The following NUP210 variants were observed in gnomAD, a reference collection of about 807,000 sequenced individuals.
NUP210 encodes the protein nucleoporin 210, also known as nuclear pore membrane glycoprotein 210.
In NUP210, 151 loss-of-function variants were observed where a neutral mutation model predicts 196.0. The ratio of observed to expected loss-of-function variants is 0.77; its 90% CI spans 0.67 to 0.88. The LOEUF is 0.88. NUP210 is among the 40% of genes least tolerant of loss of function. The pLI is 0.00. For synonymous variants in NUP210, 1,070 were observed against 1,052.7 expected (o/e 1.02, Z -0.32); for missense variants, 2,314 against 2,493.7 (o/e 0.93, Z 1.53).
intron 32 of NUP210, 112 bp from the exon 33 acceptor site, chr3:13,326,043 G>C: frequency 7.2e-7 from 1 of 1,387,832 alleles, no homozygotes; most frequent in South Asian, 1.3e-5. Context: ...CTACCCCCAT[G>C]GGGGCTCACT....
intron 2 of NUP210, among the ~76,000 whole-genome samples, chr3:13,398,276 T>C (rs779687555): frequency 2.6e-5 from 4 of 152,028 alleles, no homozygotes; most frequent in Non-Finnish European, 5.9e-5. Flanking sequence ...CCCATCTTTA[T>C]TAAAAATACA....
chr3:13,413,778 CACA>C (rs1700254765), intron 1 of NUP210, among the ~76,000 whole-genome samples: 1 of 152,170 alleles, frequency 6.6e-6, no homozygotes, highest in Admixed American at 6.5e-5. Flanking sequence ...GAGGTGGCTG[CACA>C]ACAATTGTGA....
chr3:13,379,848 C>T lies in NUP210; in HGVS notation c.818-127G>A. The T allele has an allele frequency of 1.4e-6, 1 of 721,002 alleles. No individual in the cohort carries two copies. The highest frequency in any genetic ancestry group is 2.1e-6 in the Non-Finnish European group (1 of 469,238). The allele number at this position is 721,002 out of a possible 1,614,324, so 44.7% of individuals were successfully genotyped here. The stretch of plus-strand genomic sequence containing the variant: ...GCTCTCAGTACAGCTGACGCATTTT[C>T]TTAATTGTTTTCAGTGCTTTAAATG... On this transcript the variant is annotated intron_variant, in intron 6 of 39. Coordinates refer to ENST00000254508, the MANE Select transcript of NUP210 (RefSeq NM_024923.4). This position sits in a 1 kb window ranked among gnomAD's most constrained non-coding sequence, Gnocchi z 4.2.
At position 13,343,322 on chromosome 3, in the gene NUP210, G is replaced by A. The variant is rs1697593968; in HGVS notation, c.2836-19C>T. 1.2e-6 allele frequency: 2 copies of A among 1,608,404 alleles called. No individual in the cohort carries two copies. Among genetic ancestry groups the A allele is most frequent in the Admixed American group, 3.4e-5 (2 of 59,546 alleles). ...GGTGCACCTGCAAGGTTGGGGCGGA[G>A]GTGGAGGGGTGGGTGGTGGGTTACG... is the stretch of plus-strand genomic sequence containing the variant. On this transcript the variant is annotated intron_variant, in intron 20 of 39. Coordinates refer to ENST00000254508, the MANE Select transcript of NUP210 (RefSeq NM_024923.4).
intron 27 of NUP210, among the ~76,000 whole-genome samples, chr3:13,336,103 TC>T (rs1408299699): frequency 1.3e-5 from 2 of 152,182 alleles, no homozygotes; most frequent in African/African-American, 4.8e-5. Context: ...GGGGCATTCG[TC>T]CCACACTAGA....
rs773555311 is a variant in NUP210, at chr3:13,352,034, C to A, written c.2733+46G>T. On this transcript the variant is annotated intron_variant, in intron 19 of 39. Transcript: ENST00000254508. ...GGCCGCATGTGGGAGGGCGAGGAGT[C>A]CCCCCGTGGGTCTTGCCCAGGAAGG... 1.2e-5 allele frequency: 20 copies of A among 1,602,892 alleles called. No individual in the cohort carries two copies. The African/African-American group carries it at 2.7e-4, about 21-fold the overall frequency.
rs555275045 is a variant in NUP210, at chr3:13,379,477, T to A, written c.976+86A>T. Reference sequence around the variant, plus strand: ...GAGGGGAAACGGCTATTTTTAGCCCTGCCGAGCTTTCAGGGAAAAAAAGAC... The same window carrying A: ...GAGGGGAAACGGCTATTTTTAGCCCAGCCGAGCTTTCAGGGAAAAAAAGAC... On this transcript the variant is annotated intron_variant, in intron 7 of 39. Coordinates refer to ENST00000254508, the MANE Select transcript of NUP210 (RefSeq NM_024923.4). This position sits in a 1 kb window ranked among gnomAD's most constrained non-coding sequence, Gnocchi z 4.2. The A allele has an allele frequency of 6.5e-7, 1 of 1,548,998 alleles. No individual in the cohort carries two copies. Among genetic ancestry groups the A allele is most frequent in the East Asian group, 2.2e-5 (1 of 44,594 alleles).
At chr3:13,353,824 C>T (rs977396322) in intron 17 of NUP210, 91 bp downstream of exon 17, 1 of 1,327,774 alleles carries the variant, frequency 7.5e-7, no homozygotes, top group African/African-American at 1.4e-5. Context: ...GCACAGATAA[C>T]TAAGCTCCCA....
chr3:13,330,015 T>C (rs1175381879), intron 30 of NUP210, among the ~76,000 whole-genome samples: 1 of 152,244 alleles, frequency 6.6e-6, no homozygotes, highest in Non-Finnish European at 1.5e-5. Context: ...ATGTCACGAC[T>C]TGTATGGCAG....
chr3:13,341,917 G>C, intron 22 of NUP210, 34 bp from the exon 23 acceptor site: 1 of 1,613,716 alleles, frequency 6.2e-7, no homozygotes, highest in South Asian at 1.1e-5. Context: ...ACTTCTCCAA[G>C]ACCACCCCGT....
intron 1 of NUP210, among the ~76,000 whole-genome samples, chr3:13,418,700 A>C (rs1295280731): frequency 6.6e-6 from 1 of 152,060 alleles, no homozygotes; most frequent in Non-Finnish European, 1.5e-5. Flanking sequence ...AGGCAGGAGA[A>C]TCGCTTGAAC....
intron 34 of NUP210, among the ~76,000 whole-genome samples, chr3:13,322,850 A>G (rs1256131896): frequency 6.6e-6 from 1 of 152,238 alleles, no homozygotes; most frequent in African/African-American, 2.4e-5. Flanking sequence ...GTGGTTTAAG[A>G]AAACAGCCCT....
intron 2 of NUP210, among the ~76,000 whole-genome samples, chr3:13,398,234 G>T (rs1559345587): frequency 6.6e-6 from 1 of 152,162 alleles, no homozygotes; most frequent in Non-Finnish European, 1.5e-5. Flanking sequence ...GAGGTCAGGA[G>T]TTCAAGACCA....
chr3:13,366,826 A>T (rs559862082), intron 13 of NUP210, among the ~76,000 whole-genome samples: 6 of 151,198 alleles, frequency 4.0e-5, no homozygotes, highest in South Asian at 2.1e-4. Context: ...CCTGATTTTT[A>T]AAAAAATATT....
In NUP210 at chr3:13,351,929, T is replaced by A. The variant is rs1239920434; in HGVS notation, c.2785A>T (p.Thr929Ser). The A allele has an allele frequency of 1.2e-6, 2 of 1,613,428 alleles. No homozygotes were observed. Among genetic ancestry groups the A allele is most frequent in the African/African-American group, 2.7e-5 (2 of 74,914 alleles). The change falls in exon 20 of 40, where the codon ACC (threonine) becomes TCC (serine). Residue 929 changes from threonine to serine, a missense_variant. Thr to Ser is a moderately conservative substitution (Grantham distance 58, BLOSUM62 1). Coordinates refer to ENST00000254508, the MANE Select transcript of NUP210 (RefSeq NM_024923.4). ...TAGGCCACCTTGACAACATCTGCGG[T>A]GCTGGTGTTGAGGAAGAAGTAACCT... ...GSGYFFLNTS[T>S]ADVVKVAYQE...
intron 5 of NUP210, among the ~76,000 whole-genome samples, chr3:13,387,273 C>T (rs1559340521): frequency 6.6e-6 from 1 of 152,214 alleles, no homozygotes; most frequent in Admixed American, 6.5e-5. Context: ...GTGTCCAAAA[C>T]AGACAAGTGT....
intron 6 of NUP210, among the ~76,000 whole-genome samples, chr3:13,384,203 C>T (rs1396689798): frequency 3.9e-5 from 6 of 152,274 alleles, no homozygotes; most frequent in South Asian, 4.1e-4. Context: ...CCTCGTGATC[C>T]GCCCGCCTCA....
At position 13,337,696 on chromosome 3, in the gene NUP210, T is replaced by C. The variant is rs1028602889; in HGVS notation, c.3552+141A>G. ...CAGAGAGCAATGGAGGGTGTCTCCC[T>C]GGGTGGGGACAGGTGGGAAGCAGGC... On this transcript the variant is annotated intron_variant, in intron 26 of 39. Coordinates refer to ENST00000254508, the MANE Select transcript of NUP210 (RefSeq NM_024923.4). 8.2e-6 allele frequency: 6 copies of C among 731,676 alleles called. No individual in the cohort carries two copies. In the African/African-American group the frequency reaches 8.9e-5, roughly 11 times the overall value. The allele number at this position is 731,676 out of a possible 1,614,324, so 45.3% of individuals were successfully genotyped here.
chr3:13,376,346 G>A lies in NUP210; in HGVS notation c.1238C>T (p.Ala413Val). The change falls in exon 10 of 40, where the codon GCA becomes GTA. Residue 413 changes from alanine to valine, a missense_variant. Ala to Val is a moderately conservative substitution (Grantham distance 64). Coordinates refer to ENST00000254508, the MANE Select transcript of NUP210 (RefSeq NM_024923.4). ...SQNGSYHRIR[A>V]LKRGQTAIDA... ...AATGGCCGTCTGTCCCCTCTTTAGTGCCCTGATGCGATGGTATGACCCATT... is the reference window on the plus strand; with the variant it reads ...AATGGCCGTCTGTCCCCTCTTTAGTACCCTGATGCGATGGTATGACCCATT... The A allele has an allele frequency of 6.2e-7, 1 of 1,614,188 alleles. No individual in the cohort carries two copies. The highest frequency in any genetic ancestry group is 8.5e-7 in the Non-Finnish European group (1 of 1,179,990).
Sources: allele counts gnomAD v4.1 joint callset (sites outside exome capture counted in the v4.1 genomes callset), GRCh38; gene constraint gnomAD v4.1.1; non-coding constraint Gnocchi (gnomAD v3.1); transcripts MANE v1.5; gene names NCBI Gene and HGNC (gene_info 2026-07-23, HGNC 2026-07-21).